Variants in CKAP5 observed in about 807,000 individuals in gnomAD.
The protein encoded by CKAP5 is cytoskeleton-associated protein 5.
In CKAP5, 27 loss-of-function variants were observed where a neutral mutation model predicts 232.8. That is an observed-to-expected ratio of 0.12 (90% CI 0.09 to 0.16). The LOEUF (loss-of-function observed/expected upper bound fraction) is 0.16, where lower values mean the gene tolerates loss of function less well. CKAP5 is among the 10% of genes least tolerant of loss of function. The probability of loss-of-function intolerance (pLI) is 1.00; values close to 1 mark genes in which losing one functional copy is unlikely to be tolerated. For missense variants in CKAP5, 1,838 were observed against 2,424.7 expected, an observed-to-expected ratio of 0.76 and a Z score of 5.08; for synonymous variants, 785 against 841.1, an observed-to-expected ratio of 0.93 and a Z score of 1.16.
At chr11:46,778,927 T>C (rs2065314937) in intron 20 of CKAP5, among the ~76,000 whole-genome samples, 2 of 151,928 alleles carry the variant, frequency 1.3e-5, no homozygotes, top group Admixed American at 6.6e-5. Flanking sequence ...ATACAAAAAT[T>C]AGCCTGGCAT....
At chr11:46,754,290 C>T (rs2065094204) in intron 36 of CKAP5, among the ~76,000 whole-genome samples, 1 of 152,174 alleles carries the variant, frequency 6.6e-6, no homozygotes, top group Admixed American at 6.5e-5. Flanking sequence ...AGCCACTGTG[C>T]CTGGCCAAAG....
chr11:46,769,873 A>G, intron 26 of CKAP5, 90 bp downstream of exon 26: 1 of 1,400,352 alleles, frequency 7.1e-7, no homozygotes, highest in Non-Finnish European at 1.0e-6. Flanking sequence ...GCTGTAAGGA[A>G]ATGTGATTTA....
chr11:46,790,295 A>G, intron 14 of CKAP5, 109 bp from the exon 15 acceptor site: 1 of 819,636 alleles, frequency 1.2e-6, no homozygotes, highest in Admixed American at 2.7e-5. Context: ...TAGGTATGCT[A>G]TAGTTTCTGA....
In CKAP5 at chr11:46,780,287, G is replaced by T. The variant is rs1298039187; in HGVS notation, c.2340C>A (p.Gly780=). Residue 780 remains glycine, a synonymous_variant, in exon 20 of 44, where the codon GGC becomes GGA. Coordinates refer to ENST00000529230, the MANE Select transcript of CKAP5 (RefSeq NM_001008938.4). ...AVRTAAITLL[G]VMYLYVGPSL... ...AGGGACCAACATACAGATACATCACGCCAAGCAGGGTTATGGCAGCAGTCC... is the reference window on the plus strand; with the variant it reads ...AGGGACCAACATACAGATACATCACTCCAAGCAGGGTTATGGCAGCAGTCC... 4 of 1,613,912 alleles carry T rather than the reference G, an allele frequency of 2.5e-6. No homozygotes were observed. The Admixed American group carries it at 6.7e-5, about 27-fold the overall frequency.
intron 4 of CKAP5, 103 bp downstream of exon 4, chr11:46,816,095 C>T (rs1443024518): frequency 5.4e-6 from 5 of 918,764 alleles, no homozygotes; most frequent in Admixed American, 2.1e-5. Context: ...CCCCCCAACA[C>T]ACAATTCTTC....
At chr11:46,839,296 T>C (rs1939995236) in intron 1 of CKAP5, among the ~76,000 whole-genome samples, 1 of 152,078 alleles carries the variant, frequency 6.6e-6, no homozygotes, top group Non-Finnish European at 1.5e-5. Flanking sequence ...CAGAACAGAA[T>C]GCAAAGACCG....
chr11:46,777,757 A>G (rs113633187), intron 22 of CKAP5, among the ~76,000 whole-genome samples: 7 of 152,368 alleles, frequency 4.6e-5, no homozygotes, highest in Non-Finnish European at 8.8e-5. Context: ...TCGTAAAACT[A>G]GATTATCAGA....
rs543921704 is a variant in CKAP5 at position 46,810,855 on chromosome 11, T to C, written c.630+152A>G. 7.9e-5 allele frequency: 51 copies of C among 644,754 alleles called. No individual in the cohort carries two copies. In the Middle Eastern group the frequency reaches 3.1e-3, roughly 39 times the overall value. 39.9% of individuals were successfully genotyped at this position (644,754 alleles called of 1,614,324 possible). A position where few individuals can be genotyped will look rare whatever the true frequency, so the allele number is the denominator to read the frequency against. The stretch of plus-strand genomic sequence containing the variant: ...TAATAAGTTCTGCCACCCAAGAGAA[T>C]TGCTGAGAAAGTTAGCTATGCTCAG... On this transcript the variant is annotated intron_variant, in intron 5 of 43. Transcript: ENST00000529230.
At chr11:46,826,621 T>C (rs1238777557) in intron 1 of CKAP5, 3 of 152,292 alleles carry the variant, frequency 2.0e-5, no homozygotes, top group Admixed American at 6.5e-5. Context: ...ATACCCTGGC[T>C]TTAGCTCACT....
At chr11:46,765,710 T>C (rs2065197549) in intron 27 of CKAP5, among the ~76,000 whole-genome samples, 1 of 150,932 alleles carries the variant, frequency 6.6e-6, no homozygotes, top group Non-Finnish European at 1.5e-5. Flanking sequence ...GTTCAAGTGA[T>C]TCTCCTGACT....
intron 1 of CKAP5, among the ~76,000 whole-genome samples, chr11:46,836,640 C>T (rs985963628): frequency 2.6e-5 from 4 of 152,148 alleles, no homozygotes; most frequent in East Asian, 1.9e-4. Context: ...CTGTTAAGAA[C>T]GTGGAGCAAG....
intron 26 of CKAP5, among the ~76,000 whole-genome samples, chr11:46,769,707 AC>A (rs2065232144): frequency 6.6e-6 from 1 of 151,934 alleles, no homozygotes; most frequent in South Asian, 2.1e-4. Flanking sequence ...AAAAAAAAAA[AC>A]AAAACAAAAA....
intron 1 of CKAP5, among the ~76,000 whole-genome samples, chr11:46,835,049 G>A (rs1036512141): frequency 2.0e-5 from 3 of 151,312 alleles, no homozygotes; most frequent in East Asian, 1.9e-4. Context: ...TTCGTTTCGC[G>A]ACCTTTGTGA....
chr11:46,800,705 A>AT (rs1292418274), intron 9 of CKAP5, among the ~76,000 whole-genome samples: 6 of 152,238 alleles, frequency 3.9e-5, no homozygotes, highest in African/African-American at 1.4e-4. Context: ...AATATATAAC[A>AT]TTGTAACCTA....
chr11:46,826,046 A>G (rs1311016351), intron 1 of CKAP5, among the ~76,000 whole-genome samples: 1 of 152,126 alleles, frequency 6.6e-6, no homozygotes, highest in Non-Finnish European at 1.5e-5. Flanking sequence ...AGTATTCTGC[A>G]TTACCAGGCG....
chr11:46,751,975 T>C (rs917741262), intron 38 of CKAP5, among the ~76,000 whole-genome samples: 1 of 151,892 alleles, frequency 6.6e-6, no homozygotes, highest in Non-Finnish European at 1.5e-5. Context: ...CCAAATATCA[T>C]AGGGCTGTAG....
chr11:46,798,945 A>G (rs868298454), intron 9 of CKAP5, among the ~76,000 whole-genome samples: 3 of 152,258 alleles, frequency 2.0e-5, no homozygotes, highest in Non-Finnish European at 2.9e-5. Context: ...TCCTTTCATG[A>G]AGGACATCGT....
chr11:46,760,435 A>C, intron 33 of CKAP5, 177 bp downstream of exon 33: 1 of 715,060 alleles, frequency 1.4e-6, no homozygotes, highest in Non-Finnish European at 2.4e-6. Flanking sequence ...TTTTGAGACA[A>C]AGACAAAGAC....
At chr11:46,749,640 T>C (rs2065048023) in intron 42 of CKAP5, among the ~76,000 whole-genome samples, 2 of 151,840 alleles carry the variant, frequency 1.3e-5, no homozygotes, top group Admixed American at 1.3e-4. Context: ...GACTGAACCC[T>C]GGGGGATGTC....
Sources: gnomAD v4.1 joint callset for allele counts (sites outside exome capture counted in the v4.1 genomes callset) on GRCh38, gnomAD v4.1.1 for gene constraint, MANE v1.5 for transcripts, NCBI Gene and HGNC (gene_info 2026-07-23, HGNC 2026-07-21) for gene names.